The following ZRANB3 variants were observed in gnomAD, a reference collection of about 807,000 sequenced individuals.
ZRANB3 encodes the protein DNA annealing helicase and endonuclease ZRANB3.
In ZRANB3, 125 loss-of-function variants were observed where a neutral mutation model predicts 133.8. That is an observed-to-expected ratio of 0.93 (90% CI 0.81 to 1.08). The LOEUF is 1.08. Ranked by LOEUF, ZRANB3 falls within the 50% of genes least tolerant of loss-of-function variation. ZRANB3 has a pLI of 0.00. For missense variants in ZRANB3, 1,229 were observed against 1,275.5 expected (o/e 0.96, Z 0.56); for synonymous variants, 387 against 432.7 (o/e 0.89, Z 1.31).
intron 2 of ZRANB3, among the ~76,000 whole-genome samples, chr2:135,490,609 T>C (rs1292393542): frequency 1.3e-5 from 2 of 152,070 alleles, no homozygotes; most frequent in African/African-American, 4.8e-5. Flanking sequence ...AAACTAAAAA[T>C]AGAAATACCA....
intron 8 of ZRANB3, among the ~76,000 whole-genome samples, chr2:135,303,195 G>C (rs1021950193): frequency 6.6e-6 from 1 of 151,902 alleles, no homozygotes; most frequent in South Asian, 2.1e-4. Context: ...TTCATACTAC[G>C]TATATATATA....
chr2:135,340,848 T>A (rs1274676317), intron 6 of ZRANB3, among the ~76,000 whole-genome samples: 1 of 142,072 alleles, frequency 7.0e-6, no homozygotes, highest in Non-Finnish European at 1.5e-5. Context: ...AGAGTGAGAT[T>A]CCGTCTCAAA....
chr2:135,478,753 C>A (rs948329656), intron 2 of ZRANB3, among the ~76,000 whole-genome samples: 1 of 151,830 alleles, frequency 6.6e-6, no homozygotes, highest in African/African-American at 2.4e-5. Context: ...CTGAAGTTAA[C>A]TATTATGAAT....
chr2:135,396,950 G>T (rs528480540), intron 2 of ZRANB3, among the ~76,000 whole-genome samples: 185 of 151,796 alleles, frequency 1.2e-3, no homozygotes, highest in African/African-American at 3.4e-3. Context: ...AAACAAAAAA[G>T]AAAAAATTTA....
intron 2 of ZRANB3, among the ~76,000 whole-genome samples, chr2:135,445,031 A>C (rs1280447741): frequency 6.6e-6 from 1 of 152,164 alleles, no homozygotes; most frequent in Non-Finnish European, 1.5e-5. Flanking sequence ...TGAAAAATGG[A>C]AGCAACAAAT....
chr2:135,320,497 A>G (rs942907478), intron 6 of ZRANB3, among the ~76,000 whole-genome samples: 2 of 152,250 alleles, frequency 1.3e-5, no homozygotes, highest in Admixed American at 6.5e-5. Context: ...TGAGCTTAGA[A>G]TAATTATTTT....
At position 135,272,414 on chromosome 2, in the gene ZRANB3, C is replaced by CTTT. The variant is rs112209442; in HGVS notation, c.1087-530_1087-528dup. ...CCAAATATTAACTGGGAAAATAGAGCTTTTTTTTTTTTTTTTTTGTGACGG... is the reference window on the plus strand; with the variant it reads ...CCAAATATTAACTGGGAAAATAGAGCTTTTTTTTTTTTTTTTTTTTTGTGACGG... On this transcript the variant is annotated intron_variant, in intron 9 of 20. Coordinates refer to ENST00000264159, the MANE Select transcript of ZRANB3 (RefSeq NM_032143.4). Among the ~76,000 whole-genome samples, 50 of 107,768 alleles carry CTTT rather than the reference C, an allele frequency of 4.6e-4. 1 individual carries two copies. The highest frequency in any genetic ancestry group is 7.0e-4 in the Non-Finnish European group (40 of 57,404). 70.7% of individuals were successfully genotyped at this position (107,768 alleles called of 152,430 possible). A position where few individuals can be genotyped will look rare whatever the true frequency, so the allele number is the denominator to read the frequency against.
At chr2:135,500,741 T>TA (rs957491733) in intron 2 of ZRANB3, among the ~76,000 whole-genome samples, 1 of 144,120 alleles carries the variant, frequency 6.9e-6, no homozygotes, top group African/African-American at 2.6e-5. Context: ...TTTGTCCATG[T>TA]AAATTACATA....
At chr2:135,418,925 CTTTTTTTTTTTTTTTTTT>C (rs769271961) in intron 2 of ZRANB3, among the ~76,000 whole-genome samples, 1 of 85,882 alleles carries the variant, frequency 1.2e-5, no homozygotes, top group South Asian at 5.4e-4. Context: ...AGGATTCTCT[CTTTTTTTTTTTTTTTTTT>C]TTTTTTTTTT....
intron 12 of ZRANB3, among the ~76,000 whole-genome samples, chr2:135,247,372 T>G (rs941442317): frequency 3.3e-5 from 5 of 152,086 alleles, no homozygotes; most frequent in African/African-American, 1.2e-4. Context: ...TTTTTTCAGA[T>G]TTTCCAAAAT....
chr2:135,291,773 G>A (rs2104795233), intron 8 of ZRANB3, among the ~76,000 whole-genome samples: 1 of 150,858 alleles, frequency 6.6e-6, no homozygotes, highest in Non-Finnish European at 1.5e-5. Context: ...AGGCCCCAGT[G>A]TGTGATGTTC....
At chr2:135,513,196 G>A (rs993169395) in intron 1 of ZRANB3, among the ~76,000 whole-genome samples, 12 of 152,050 alleles carry the variant, frequency 7.9e-5, no homozygotes, top group African/African-American at 2.9e-4. Flanking sequence ...TTCAAAATTC[G>A]ATCACTGACA....
intron 2 of ZRANB3, among the ~76,000 whole-genome samples, chr2:135,432,937 C>T (rs994898932): frequency 6.6e-6 from 1 of 152,196 alleles, no homozygotes. Context: ...CATTAGGAGC[C>T]TGTGCCTCTG....
chr2:135,426,138 G>A (rs539688245), intron 2 of ZRANB3, among the ~76,000 whole-genome samples: 1 of 152,206 alleles, frequency 6.6e-6, no homozygotes. Flanking sequence ...AAGCCAGGGA[G>A]AAACTGGATC....
intron 3 of ZRANB3, among the ~76,000 whole-genome samples, chr2:135,372,060 C>T (rs72984424): frequency 0.26 from 40,007 of 151,232 alleles, 8,835 homozygotes; most frequent in African/African-American, 0.59. Context: ...CCCAACTACT[C>T]GGGAGGCTGA....
chr2:135,203,612 CAAAA>C (rs1051712787), intron 19 of ZRANB3, among the ~76,000 whole-genome samples: 1 of 62,088 alleles, frequency 1.6e-5, no homozygotes. Context: ...GACTCGGTCT[CAAAA>C]AAAAAAAAAA....
chr2:135,385,251 T>A (rs972747089), intron 3 of ZRANB3, among the ~76,000 whole-genome samples: 6 of 151,980 alleles, frequency 3.9e-5, no homozygotes, highest in Admixed American at 2.0e-4. Context: ...ATTGCTTCAA[T>A]GAGAATAAAA....
chr2:135,408,739 A>C (rs965046153), intron 2 of ZRANB3, among the ~76,000 whole-genome samples: 1 of 151,696 alleles, frequency 6.6e-6, no homozygotes, highest in Non-Finnish European at 1.5e-5. Context: ...AAAACTGAAC[A>C]CTGCATGTTC....
chr2:135,270,826 T>G (rs1036715639), intron 10 of ZRANB3, among the ~76,000 whole-genome samples: 3 of 152,208 alleles, frequency 2.0e-5, no homozygotes, highest in African/African-American at 7.2e-5. Flanking sequence ...CTCAATTACT[T>G]TTCCCTATGT....
Sources: gnomAD v4.1 joint callset for allele counts (sites outside exome capture counted in the v4.1 genomes callset) on GRCh38, gnomAD v4.1.1 for gene constraint, MANE v1.5 for transcripts, NCBI Gene and HGNC (gene_info 2026-07-23, HGNC 2026-07-21) for gene names.